Variants in F8 observed in about 807,000 individuals in gnomAD.
F8 encodes the protein coagulation factor VIII.
Under a neutral mutation model 140.6 loss-of-function variants are expected in F8, and 12 were observed. That is an observed-to-expected ratio of 0.09 (90% CI 0.05 to 0.14). The LOEUF is 0.14. Ranked by LOEUF, F8 falls within the 10% of genes least tolerant of loss-of-function variation. F8 has a pLI of 1.00. For missense variants in F8, 1,354 were observed against 1,720.7 expected (o/e 0.79, Z 3.77); for synonymous variants, 585 against 614.6 (o/e 0.95, Z 0.71).
chrX:154,869,760 GT>G (rs2072758238), intron 22 of F8, among the ~76,000 whole-genome samples: 1 of 111,101 alleles, frequency 9.0e-6, no homozygotes, highest in African/African-American at 3.3e-5. Flanking sequence ...CCAGGAGCTG[GT>G]TTTTTTGAAA....
At chrX:154,854,642 TTTTG>T (rs1366347958) in intron 25 of F8, among the ~76,000 whole-genome samples, 2 of 110,322 alleles carry the variant, frequency 1.8e-5, no homozygotes, top group Non-Finnish European at 3.8e-5. Context: ...TTGGTTCTGG[TTTTG>T]TTTCTTTGGG....
intron 22 of F8, among the ~76,000 whole-genome samples, chrX:154,877,061 C>T: frequency 8.9e-6 from 1 of 111,834 alleles, no homozygotes; most frequent in Admixed American, 9.5e-5. Context: ...TTATCAGCAT[C>T]CAAAAAGTTT....
intron 2 of F8, 25 bp downstream of exon 2, chrX:154,999,454 T>TA (rs782078191): frequency 8.4e-7 from 1 of 1,196,433 alleles, no homozygotes; most frequent in Non-Finnish European, 1.1e-6. Flanking sequence ...ATTTCATAAA[T>TA]AGCATTCAAC....
intron 25 of F8, among the ~76,000 whole-genome samples, chrX:154,842,809 T>A (rs1569559219): frequency 8.9e-6 from 1 of 112,029 alleles, no homozygotes; most frequent in African/African-American, 3.2e-5. Context: ...TCTTTTTTTT[T>A]ATTATACTGT....
chrX:154,899,584 A>T (rs2072999316), intron 21 of F8, among the ~76,000 whole-genome samples: 1 of 112,036 alleles, frequency 8.9e-6, no homozygotes, highest in South Asian at 3.7e-4. Flanking sequence ...GAAGCATCTA[A>T]TAATAACATA....
chrX:154,841,066 C>G lies in F8; in HGVS notation c.6901-3314G>C, dbSNP rs2072516352. Among the ~76,000 whole-genome samples the G allele has an allele frequency of 2.7e-5, 3 of 111,268 alleles. No individual in the cohort carries two copies. In the Admixed American group the frequency reaches 2.9e-4, roughly 11 times the overall value. ...GAGGGCTGGGTGGCTTACTAGGTTT[C>G]TTAGCCAGGAGTACCCTCTACTGTT... is the stretch of plus-strand genomic sequence containing the variant. On this transcript the variant is annotated intron_variant, in intron 25 of 25. Coordinates refer to ENST00000360256, the MANE Select transcript of F8 (RefSeq NM_000132.4).
At chrX:155,012,074 G>A (rs1027407362) in intron 1 of F8, among the ~76,000 whole-genome samples, 4 of 112,114 alleles carry the variant, frequency 3.6e-5, no homozygotes, top group African/African-American at 1.3e-4. Flanking sequence ...AAATAAAGAT[G>A]ATAGTTGTAC....
intron 1 of F8, among the ~76,000 whole-genome samples, chrX:155,015,864 A>C (rs2073731583): frequency 8.9e-6 from 1 of 112,747 alleles, no homozygotes; most frequent in Non-Finnish European, 1.9e-5. Context: ...TGATTTGAAT[A>C]GACACTTCCA....
chrX:154,862,277 T>C (rs1557272921), intron 23 of F8, among the ~76,000 whole-genome samples: 1 of 111,526 alleles, frequency 9.0e-6, no homozygotes, highest in African/African-American at 3.3e-5. Flanking sequence ...CCACCCGCCT[T>C]GGCCTCACAA....
intron 1 of F8, among the ~76,000 whole-genome samples, chrX:155,017,696 C>A (rs2073741841): frequency 9.1e-6 from 1 of 110,471 alleles, no homozygotes; most frequent in Non-Finnish European, 1.9e-5. Flanking sequence ...GATAGAATTA[C>A]CTGGGGACTA....
chrX:154,840,653 A>G (rs5987043), intron 25 of F8, among the ~76,000 whole-genome samples: 9,105 of 112,142 alleles, frequency 0.081, 874 homozygotes, highest in African/African-American at 0.28. Context: ...CAACTCTAAC[A>G]TTCTTTTTGT....
In F8 at chrX:154,957,148, G is replaced by T; in HGVS notation, c.1561C>A (p.Pro521Thr). ...PKGVKHLKDF[P>T]ILPGEIFKYK... ...TTGAATATTTCTCCTGGCAGAATTGGAAAATCCTTCAAATGTTTTACACCT... is the reference window on the plus strand; with the variant it reads ...TTGAATATTTCTCCTGGCAGAATTGTAAAATCCTTCAAATGTTTTACACCT... Residue 521 changes from proline to threonine, a missense_variant, in exon 11 of 26, where the codon CCA becomes ACA. Pro to Thr is a conservative substitution (Grantham distance 38). This residue lies in a region of F8 where 252 missense variants were observed against 338.5 expected (regional missense o/e 0.74). Transcript: ENST00000360256. 1 of 1,209,970 alleles carries T rather than the reference G, an allele frequency of 8.3e-7. No individual in the cohort carries two copies. The highest frequency in any genetic ancestry group is 1.1e-6 in the Non-Finnish European group (1 of 894,484).
chrX:154,920,932 T>C (rs1178934398), intron 14 of F8, among the ~76,000 whole-genome samples: 2 of 112,233 alleles, frequency 1.8e-5, no homozygotes, highest in Admixed American at 9.4e-5. Flanking sequence ...ACAATGTACT[T>C]ATTTTTACTA....
chrX:155,009,678 T>C (rs187273481), intron 1 of F8, among the ~76,000 whole-genome samples: 1 of 110,745 alleles, frequency 9.0e-6, no homozygotes, highest in African/African-American at 3.3e-5. Flanking sequence ...GAGGTTGCAG[T>C]GAGCCGAGAT....
At position 154,877,168 on chromosome X, in the gene F8, T is replaced by C. The variant is rs2072823184; in HGVS notation, c.6430-13941A>G. ...GGAAGAATATGATCTCTCAGTGATG[T>C]CCACATTTTAATCCCCAGAACATTT... On this transcript the variant is annotated intron_variant, in intron 22 of 25. Coordinates refer to ENST00000360256, the MANE Select transcript of F8 (RefSeq NM_000132.4). Among the ~76,000 whole-genome samples, 7 of 112,481 alleles carry C rather than the reference T, an allele frequency of 6.2e-5. No individual in the cohort carries two copies. The Admixed American group carries it at 6.6e-4, about 11-fold the overall frequency.
At chrX:154,944,081 G>C (rs2073287292) in intron 13 of F8, among the ~76,000 whole-genome samples, 1 of 111,502 alleles carries the variant, frequency 9.0e-6, no homozygotes, top group South Asian at 3.8e-4. Context: ...AGAAAACCTA[G>C]GCAATACCAT....
At chrX:154,990,479 C>G (rs1340123619) in intron 4 of F8, among the ~76,000 whole-genome samples, 10 of 111,794 alleles carry the variant, frequency 8.9e-5, no homozygotes, top group Non-Finnish European at 1.9e-4. Context: ...TTACCCTCCT[C>G]TTGTTATGCT....
intron 9 of F8, among the ~76,000 whole-genome samples, chrX:154,963,236 T>C (rs181197873): frequency 1.2e-4 from 13 of 111,927 alleles, no homozygotes; most frequent in Non-Finnish European, 2.1e-4. Context: ...TGGCTCTCTG[T>C]CTGTTATTGG....
At position 154,918,101 on chromosome X, in the gene F8, C is replaced by T. The variant is rs967653859; in HGVS notation, c.5219+10470G>A. Among the ~76,000 whole-genome samples the T allele has an allele frequency of 8.9e-5, 10 of 111,894 alleles. No individual in the cohort carries two copies. The South Asian group carries it at 3.7e-3, about 42-fold the overall frequency. ...AAAGGTTATGTATGAATTAGAGCTTCCTTACTCTGAGATTACTGCCTCTTT... is the reference window on the plus strand; with the variant it reads ...AAAGGTTATGTATGAATTAGAGCTTTCTTACTCTGAGATTACTGCCTCTTT... On this transcript the variant is annotated intron_variant, in intron 14 of 25. Transcript: ENST00000360256.
Sources: allele counts gnomAD v4.1 joint callset (sites outside exome capture counted in the v4.1 genomes callset), GRCh38; gene constraint gnomAD v4.1.1; regional missense constraint gnomAD v4.1.1; transcripts MANE v1.5; gene names NCBI Gene and HGNC (gene_info 2026-07-23, HGNC 2026-07-21).